SLCO6A1: variants seen among roughly 807,000 people sequenced by gnomAD.
SLCO6A1 encodes the protein solute carrier organic anion transporter family member 6A1.
Under a neutral mutation model 72.7 loss-of-function variants are expected in SLCO6A1, and 65 were observed. That is an observed-to-expected ratio of 0.89 (90% CI 0.73 to 1.10). SLCO6A1 has a LOEUF of 1.10. SLCO6A1 is among the 50% of genes least tolerant of loss of function. The probability of loss-of-function intolerance (pLI) is 0.00; values close to 1 mark genes in which losing one functional copy is unlikely to be tolerated. For missense variants in SLCO6A1, 874 were observed against 872.6 expected (o/e 1.00, Z -0.02); for synonymous variants, 314 against 298.2 (o/e 1.05, Z -0.55).
chr5:102,480,567 C>A, intron 1 of SLCO6A1, 133 bp from the exon 2 acceptor site: 1 of 892,358 alleles, frequency 1.1e-6, no homozygotes. Context: ...AAGCTATAAG[C>A]AAGTAACAAT....
rs181368416 is a variant in SLCO6A1 at position 102,491,773 on chromosome 5, C to A, written c.358+6714G>T. Among the ~76,000 whole-genome samples, 1,360 of 152,352 alleles carry A rather than the reference C, an allele frequency of 8.9e-3. 21 individuals are homozygous for A. The highest frequency in any genetic ancestry group is 0.031 in the African/African-American group (1,292 of 41,590). ...CTGAGGGAGCCGGCTCCGGCCTTGGCCAGCCCAGAAAGGGGCTCCCACGGA... is the reference window on the plus strand; with the variant it reads ...CTGAGGGAGCCGGCTCCGGCCTTGGACAGCCCAGAAAGGGGCTCCCACGGA... On this transcript the variant is annotated intron_variant, in intron 1 of 13. Transcript: ENST00000506729.
At chr5:102,486,367 A>C (rs2112847690) in intron 1 of SLCO6A1, among the ~76,000 whole-genome samples, 1 of 152,286 alleles carries the variant, frequency 6.6e-6, no homozygotes, top group East Asian at 1.9e-4. Context: ...GTTTTCAATA[A>C]TTAAAATTCA....
intron 1 of SLCO6A1, among the ~76,000 whole-genome samples, chr5:102,487,363 C>T (rs1258936636): frequency 6.6e-6 from 1 of 151,958 alleles, no homozygotes; most frequent in Non-Finnish European, 1.5e-5. Context: ...TTTTTGATGT[C>T]ATGGTGCCAA....
intron 4 of SLCO6A1, 89 bp from the exon 5 acceptor site, chr5:102,459,866 TGA>T: frequency 8.6e-7 from 1 of 1,168,100 alleles, no homozygotes; most frequent in Non-Finnish European, 1.2e-6. Context: ...AAAGTGAGAG[TGA>T]GAGAGGGAGG....
chr5:102,414,143 G>C (rs1748141743), intron 8 of SLCO6A1, among the ~76,000 whole-genome samples: 1 of 151,974 alleles, frequency 6.6e-6, no homozygotes, highest in African/African-American at 2.4e-5. Context: ...ACATCTAAAA[G>C]ATACTTGCCT....
At chr5:102,464,445 T>C (rs1751210973) in intron 4 of SLCO6A1, among the ~76,000 whole-genome samples, 1 of 151,872 alleles carries the variant, frequency 6.6e-6, no homozygotes, top group African/African-American at 2.4e-5. Flanking sequence ...AAGAAGCAAA[T>C]TCAAAAAAAT....
At chr5:102,495,939 A>C (rs1164364874) in intron 1 of SLCO6A1, among the ~76,000 whole-genome samples, 1 of 152,216 alleles carries the variant, frequency 6.6e-6, no homozygotes, top group Non-Finnish European at 1.5e-5. Context: ...TCCAGATTAA[A>C]GAAGACTTGT....
At chr5:102,403,043 A>T (rs1042435298) in intron 9 of SLCO6A1, among the ~76,000 whole-genome samples, 4 of 152,200 alleles carry the variant, frequency 2.6e-5, no homozygotes, top group Non-Finnish European at 5.9e-5. Context: ...AAGCTATTTA[A>T]TGTTTTCATT....
intron 9 of SLCO6A1, among the ~76,000 whole-genome samples, chr5:102,411,175 G>C (rs1361629250): frequency 6.6e-6 from 1 of 152,070 alleles, no homozygotes; most frequent in Non-Finnish European, 1.5e-5. Flanking sequence ...GTAGATAAGA[G>C]TTCCCCACTG....
Position 102,458,423 on chromosome 5 carries a change from T to G in SLCO6A1, c.1090A>C (p.Lys364Gln). ...AAATCCTTGATATTAGTTCCAAGTT[T>G]CAGATCTTTAAGTCTGCTGTCAAAA... is the stretch of plus-strand genomic sequence containing the variant. Reference protein sequence around the residue: ...HFFDSRLKDLKLGTNIKDLCA... With the variant: ...HFFDSRLKDLQLGTNIKDLCA... The change falls in exon 6 of 14, where the codon AAA becomes CAA. Residue 364 changes from lysine (K) to glutamine (Q), a missense_variant. Physicochemically the swap from Lys to Gln is moderately conservative, Grantham distance 53. Transcript: ENST00000506729. The G allele has an allele frequency of 6.2e-7, 1 of 1,613,056 alleles. No homozygotes were observed. Among genetic ancestry groups the G allele is most frequent in the East Asian group, 2.2e-5 (1 of 44,750 alleles).
At position 102,492,145 on chromosome 5, in the gene SLCO6A1, C is replaced by T. The variant is rs868339990; in HGVS notation, c.358+6342G>A. On this transcript the variant is annotated intron_variant, in intron 1 of 13. Coordinates refer to ENST00000506729, the MANE Select transcript of SLCO6A1 (RefSeq NM_173488.5). ...CCCCCGTGATCCAATCACTTCCCACCAGGACCCTCCTCCAACATTGGGGAT... is the reference window on the plus strand; with the variant it reads ...CCCCCGTGATCCAATCACTTCCCACTAGGACCCTCCTCCAACATTGGGGAT... Among the ~76,000 whole-genome samples, 3 of 152,190 alleles carry T rather than the reference C, an allele frequency of 2.0e-5. No homozygotes were observed. In the South Asian group the frequency reaches 6.2e-4, roughly 31 times the overall value.
At chr5:102,468,246 G>A (rs1341252779) in intron 4 of SLCO6A1, among the ~76,000 whole-genome samples, 1 of 152,050 alleles carries the variant, frequency 6.6e-6, no homozygotes, top group African/African-American at 2.4e-5. Context: ...ATATTTTGTG[G>A]CCTATCATAC....
At chr5:102,478,166 TAAA>T (rs931956311) in intron 2 of SLCO6A1, among the ~76,000 whole-genome samples, 1 of 151,180 alleles carries the variant, frequency 6.6e-6, no homozygotes, top group South Asian at 2.1e-4. Flanking sequence ...AAATAAAAAA[TAAA>T]AAAAAGGAAG....
At chr5:102,456,945 C>T (rs1750754903) in intron 6 of SLCO6A1, among the ~76,000 whole-genome samples, 1 of 152,076 alleles carries the variant, frequency 6.6e-6, no homozygotes, top group Non-Finnish European at 1.5e-5. Flanking sequence ...AGAAATAATG[C>T]CACATATCTA....
chr5:102,392,107 A>T (rs1287762285), intron 10 of SLCO6A1, among the ~76,000 whole-genome samples: 1 of 152,104 alleles, frequency 6.6e-6, no homozygotes, highest in African/African-American at 2.4e-5. Flanking sequence ...CCAATATTTC[A>T]TCCAACATGA....
At chr5:102,496,633 T>A (rs1302885631) in intron 1 of SLCO6A1, among the ~76,000 whole-genome samples, 1 of 152,228 alleles carries the variant, frequency 6.6e-6, no homozygotes, top group African/African-American at 2.4e-5. Context: ...CAGAATTATG[T>A]CTGGTATTTA....
chr5:102,472,649 T>C (rs1298667593), intron 4 of SLCO6A1, among the ~76,000 whole-genome samples: 1 of 151,888 alleles, frequency 6.6e-6, no homozygotes, highest in African/African-American at 2.4e-5. Context: ...GTAAATGAAA[T>C]AGAGCCTGGA....
intron 12 of SLCO6A1, among the ~76,000 whole-genome samples, chr5:102,376,110 G>A (rs906014142): frequency 6.6e-6 from 1 of 152,062 alleles, no homozygotes; most frequent in East Asian, 1.9e-4. Flanking sequence ...CTAACTTCTC[G>A]CCAGAAACAA....
intron 7 of SLCO6A1, among the ~76,000 whole-genome samples, chr5:102,420,345 CTAT>C (rs1463633679): frequency 6.6e-6 from 1 of 152,152 alleles, no homozygotes; most frequent in African/African-American, 2.4e-5. Flanking sequence ...TTATTGAGAT[CTAT>C]TATTAACAAG....
Sources: gnomAD v4.1 joint callset for allele counts (sites outside exome capture counted in the v4.1 genomes callset) on GRCh38, gnomAD v4.1.1 for gene constraint, MANE v1.5 for transcripts, NCBI Gene and HGNC (gene_info 2026-07-23, HGNC 2026-07-21) for gene names.